Variants in TYW1 observed in about 807,000 individuals in gnomAD.
TYW1 encodes tRNA-yW synthesizing protein 1 homolog.
Under a neutral mutation model 96.2 loss-of-function variants are expected in TYW1, and 46 were observed. The ratio of observed to expected loss-of-function variants is 0.48; its 90% confidence interval spans 0.38 to 0.61. TYW1 has a LOEUF of 0.61. Ranked by LOEUF, TYW1 falls within the 20% of genes least tolerant of loss-of-function variation. The pLI is 0.00. For missense variants in TYW1, 684 were observed against 909.6 expected (o/e 0.75, Z 3.19); for synonymous variants, 274 against 323.0 (o/e 0.85, Z 1.63).
At chr7:67,010,148 A>G (rs548372697) in intron 4 of TYW1, among the ~76,000 whole-genome samples, 4 of 151,604 alleles carry the variant, frequency 2.6e-5, no homozygotes, top group South Asian at 2.1e-4. Context: ...ATGCCCAGCT[A>G]ATTTTTTTTG....
At chr7:67,082,830 A>C (rs1796429128) in intron 10 of TYW1, among the ~76,000 whole-genome samples, 1 of 151,972 alleles carries the variant, frequency 6.6e-6, no homozygotes, top group Non-Finnish European at 1.5e-5. Context: ...ATGGCATTGT[A>C]ATCTTTTGTA....
At chr7:67,053,044 A>G (rs900551095) in intron 8 of TYW1, among the ~76,000 whole-genome samples, 1 of 147,232 alleles carries the variant, frequency 6.8e-6, no homozygotes, top group Non-Finnish European at 1.5e-5. Flanking sequence ...CCTGGCCTGG[A>G]TATTTTTATA....
intron 15 of TYW1, among the ~76,000 whole-genome samples, chr7:67,218,434 A>G (rs989963854): frequency 1.3e-5 from 2 of 150,758 alleles, no homozygotes; most frequent in Admixed American, 6.6e-5. Context: ...ACTTGGTGCT[A>G]CTTCCACCTC....
At chr7:67,175,351 A>G (rs1162347159) in intron 13 of TYW1, among the ~76,000 whole-genome samples, 2 of 152,034 alleles carry the variant, frequency 1.3e-5, no homozygotes, top group East Asian at 3.9e-4. Flanking sequence ...TTGTATTTTT[A>G]GTAGAGATGG....
At chr7:67,070,333 T>C (rs1795995037) in intron 10 of TYW1, among the ~76,000 whole-genome samples, 1 of 152,222 alleles carries the variant, frequency 6.6e-6, no homozygotes, top group African/African-American at 2.4e-5. Context: ...CTGTTCCTTC[T>C]TATCTCCTTC....
chr7:67,139,213 G>A (rs1201566635), intron 13 of TYW1, among the ~76,000 whole-genome samples: 2 of 152,036 alleles, frequency 1.3e-5, no homozygotes, highest in African/African-American at 2.4e-5. Flanking sequence ...CGCCACACCC[G>A]GCTAATTTTT....
chr7:67,221,354 C>T (rs999893432), intron 15 of TYW1, among the ~76,000 whole-genome samples: 1 of 152,182 alleles, frequency 6.6e-6, no homozygotes, highest in African/African-American at 2.4e-5. Flanking sequence ...TTTTTCCATC[C>T]TTTCCCTTTC....
At chr7:67,153,488 TTA>T (rs1311595422) in intron 13 of TYW1, among the ~76,000 whole-genome samples, 1 of 152,192 alleles carries the variant, frequency 6.6e-6, no homozygotes, top group Non-Finnish European at 1.5e-5. Context: ...AGTCTTATGT[TTA>T]TATATGTAGA....
intron 12 of TYW1, among the ~76,000 whole-genome samples, chr7:67,111,666 G>C (rs1797411580): frequency 6.6e-6 from 1 of 152,118 alleles, no homozygotes; most frequent in South Asian, 2.1e-4. Flanking sequence ...AAGAATATTT[G>C]AACAAATAAT....
At position 67,100,850 on chromosome 7, in the gene TYW1, C is replaced by CAAAA. The variant is rs57665696; in HGVS notation, c.1562+2148_1562+2151dup. Among the ~76,000 whole-genome samples the CAAAA allele has an allele frequency of 3.0e-4, 23 of 75,568 alleles. 1 individual carries two copies. The highest frequency in any genetic ancestry group is 5.9e-4 in the African/African-American group (11 of 18,698). 49.6% of individuals were successfully genotyped at this position (75,568 alleles called of 152,430 possible). On this transcript the variant is annotated intron_variant, in intron 12 of 15. Transcript: ENST00000359626. ...CTGCACTCCAGCCTGGGCTACAGAG[C>CAAAA]AAAAAAAAAAAAAAAAAAAGAGTTA...
intron 15 of TYW1, among the ~76,000 whole-genome samples, chr7:67,217,176 G>C (rs1416214494): frequency 6.6e-6 from 1 of 151,978 alleles, no homozygotes; most frequent in Non-Finnish European, 1.5e-5. Flanking sequence ...TCCCTTACCA[G>C]ATACATCATT....
intron 13 of TYW1, among the ~76,000 whole-genome samples, chr7:67,146,608 C>G (rs1331991327): frequency 6.6e-6 from 1 of 152,096 alleles, no homozygotes; most frequent in Non-Finnish European, 1.5e-5. Context: ...ATCAAAACTA[C>G]AATTATAGAT....
At chr7:67,015,343 T>A (rs934097230) in intron 5 of TYW1, among the ~76,000 whole-genome samples, 2 of 151,910 alleles carry the variant, frequency 1.3e-5, no homozygotes, top group Non-Finnish European at 2.9e-5. Context: ...TAAAAAAAAT[T>A]TTTTTTTAAA....
intron 10 of TYW1, among the ~76,000 whole-genome samples, chr7:67,080,552 A>G (rs1299575658): frequency 6.6e-6 from 1 of 151,894 alleles, no homozygotes; most frequent in Non-Finnish European, 1.5e-5. Flanking sequence ...ATTGCCCACC[A>G]CCACACCTGG....
intron 13 of TYW1, among the ~76,000 whole-genome samples, chr7:67,118,738 C>T (rs1010106485): frequency 6.6e-6 from 1 of 151,626 alleles, no homozygotes; most frequent in Non-Finnish European, 1.5e-5. Context: ...TACCAAAAAA[C>T]AAAATACAAA....
At chr7:67,084,598 A>C (rs1399476410) in intron 11 of TYW1, among the ~76,000 whole-genome samples, 3 of 151,618 alleles carry the variant, frequency 2.0e-5, no homozygotes, top group Non-Finnish European at 4.4e-5. Context: ...GCTCACTGCA[A>C]CCTTCACTTC....
chr7:67,072,963 T>TTTTTTTTTTTTTTTTTTG lies in TYW1; in HGVS notation c.1274+5561_1274+5562insTTTTTTTTTTTTTTTTGT, dbSNP rs1219374462. ...TTTTTTTTTTTTTTTTTTTTTTTTT[T>TTTTTTTTTTTTTTTTTTG]TATAGAGACAGGGTCTTGCTATGTT... is the stretch of plus-strand genomic sequence containing the variant. On this transcript the variant is annotated intron_variant, in intron 10 of 15. Coordinates refer to ENST00000359626, the MANE Select transcript of TYW1 (RefSeq NM_018264.4). 1.3e-4 allele frequency among the ~76,000 whole-genome samples: 15 copies of TTTTTTTTTTTTTTTTTTG among 118,684 alleles called. 1 individual carries two copies. Among genetic ancestry groups the TTTTTTTTTTTTTTTTTTG allele is most frequent in the African/African-American group, 4.5e-4 (13 of 29,022 alleles). The allele number at this position is 118,684 out of a possible 152,430, so 77.9% of individuals were successfully genotyped here.
chr7:67,218,518 T>C (rs1399714143), intron 15 of TYW1, among the ~76,000 whole-genome samples: 4 of 152,168 alleles, frequency 2.6e-5, no homozygotes, highest in African/African-American at 7.2e-5. Flanking sequence ...CACAACTGGC[T>C]AATTTTTGTA....
intron 12 of TYW1, among the ~76,000 whole-genome samples, chr7:67,102,884 C>T (rs35979380): frequency 6.9e-4 from 105 of 152,216 alleles, no homozygotes; most frequent in South Asian, 2.1e-3. Context: ...CTCCTGACCT[C>T]GTAATCCGCC....
Sources: gnomAD v4.1 joint callset for allele counts (sites outside exome capture counted in the v4.1 genomes callset) on GRCh38, gnomAD v4.1.1 for gene constraint, MANE v1.5 for transcripts, NCBI Gene and HGNC (gene_info 2026-07-23, HGNC 2026-07-21) for gene names.